The following NHSL1 variants were observed in gnomAD, a reference collection of about 807,000 sequenced individuals.
NHSL1 encodes NHS-like protein 1.
NHSL1 carries 48 observed loss-of-function variants against 95.0 expected under a neutral mutation model. The ratio of observed to expected loss-of-function variants is 0.51; its 90% confidence interval spans 0.40 to 0.64. The LOEUF is 0.64. Among genes scored for constraint, NHSL1 ranks in the 30% least tolerant of loss-of-function variants. NHSL1 has a pLI of 0.00. For missense variants in NHSL1, 1,971 were observed against 2,077.7 expected (o/e 0.95, Z 1.00); for synonymous variants, 783 against 833.9 (o/e 0.94, Z 1.05).
intron 1 of NHSL1, among the ~76,000 whole-genome samples, chr6:138,561,815 G>A (rs1057264650): frequency 1.3e-5 from 2 of 152,214 alleles, no homozygotes; most frequent in African/African-American, 4.8e-5. Flanking sequence ...ACTGGGGGAA[G>A]ATGGTCTCAG....
chr6:138,595,176 T>C (rs780715606), intron 1 of NHSL1, among the ~76,000 whole-genome samples: 19 of 152,204 alleles, frequency 1.2e-4, no homozygotes, highest in Non-Finnish European at 2.4e-4. Flanking sequence ...TTGAAAACCA[T>C]TTTCTTTCTA....
intron 1 of NHSL1, among the ~76,000 whole-genome samples, chr6:138,669,731 A>G (rs1785339861): frequency 6.6e-6 from 1 of 152,216 alleles, no homozygotes; most frequent in Non-Finnish European, 1.5e-5. Context: ...CTTTCCACAC[A>G]GCTCCTGGAA....
chr6:138,653,751 C>T (rs1374354677), intron 1 of NHSL1, among the ~76,000 whole-genome samples: 2 of 152,178 alleles, frequency 1.3e-5, no homozygotes, highest in East Asian at 3.8e-4. Context: ...TTTCACATCA[C>T]CACGCAGTAT....
rs1275603866 is a variant in NHSL1, at chr6:138,692,219, A to C, written c.96+257T>G. Reference sequence around the variant, plus strand: ...ACAGACAGAAGGAGCAGACAAGGGGACTGTCCAATTCCCACCCTCCGCGCC... The same window carrying C: ...ACAGACAGAAGGAGCAGACAAGGGGCCTGTCCAATTCCCACCCTCCGCGCC... On this transcript the variant is annotated intron_variant, in intron 1 of 3. Coordinates refer to the NHSL1 transcript ENST00000491526. This position sits in a 1 kb window ranked among gnomAD's most constrained non-coding sequence, Gnocchi z 4.0. The C allele has an allele frequency of 4.4e-6, 2 of 456,540 alleles. No individual in the cohort carries two copies. Among genetic ancestry groups the C allele is most frequent in the Non-Finnish European group, 8.8e-6 (2 of 226,906 alleles). The allele number at this position is 456,540 out of a possible 1,614,324, so 28.3% of individuals were successfully genotyped here.
chr6:138,482,445 C>CAA (rs34849976), intron 2 of NHSL1, among the ~76,000 whole-genome samples: 996 of 81,166 alleles, frequency 0.012, 26 homozygotes, highest in African/African-American at 0.045. Flanking sequence ...GACTCCGTCT[C>CAA]AAAAAAAAAA....
At chr6:138,642,289 A>T (rs1473221283) in intron 1 of NHSL1, among the ~76,000 whole-genome samples, 1 of 152,216 alleles carries the variant, frequency 6.6e-6, no homozygotes, top group Non-Finnish European at 1.5e-5. Context: ...GGCTGTATAC[A>T]TTCTCTAATT....
intron 5 of NHSL1, 48 bp from the exon 6 acceptor site, chr6:138,433,728 A>G (rs1775876883): frequency 1.4e-6 from 2 of 1,470,654 alleles, no homozygotes; most frequent in South Asian, 2.9e-5. Context: ...TAAAATCCAT[A>G]GTTCATCACG....
chr6:138,626,238 G>GGTTGAAT (rs1441229687), intron 1 of NHSL1, among the ~76,000 whole-genome samples: 1 of 152,182 alleles, frequency 6.6e-6, no homozygotes, highest in East Asian at 1.9e-4. Flanking sequence ...TGCCTGATCA[G>GGTTGAAT]TCCACTTGCT....
chr6:138,472,993 C>A (rs1778847929), intron 3 of NHSL1, among the ~76,000 whole-genome samples: 1 of 152,154 alleles, frequency 6.6e-6, no homozygotes, highest in South Asian at 2.1e-4. Context: ...TTGAGATGCA[C>A]AAATACACTG....
chr6:138,499,480 A>C lies in NHSL1; in HGVS notation c.-190T>G, dbSNP rs1024838087. The C allele has an allele frequency of 3.8e-6, 5 of 1,325,322 alleles. No individual in the cohort carries two copies. Among genetic ancestry groups the C allele is most frequent in the East Asian group, 2.9e-5 (1 of 34,358 alleles). The allele number at this position is 1,325,322 out of a possible 1,614,324, so 82.1% of individuals were successfully genotyped here. A position where few individuals can be genotyped will look rare whatever the true frequency, so the allele number is the denominator to read the frequency against. ...ATTGTCAGGCAGTTACAAACCATTA[A>C]CAGTCCTTGAACCTGAAAAACTCCT... is the stretch of plus-strand genomic sequence containing the variant. On this transcript the variant is annotated 5_prime_UTR_variant, in exon 1 of 8. Transcript: ENST00000343505.
chr6:138,630,673 C>T (rs190474931), intron 1 of NHSL1, among the ~76,000 whole-genome samples: 71 of 152,292 alleles, frequency 4.7e-4, no homozygotes, highest in African/African-American at 1.6e-3. Flanking sequence ...GCGTGAGTAA[C>T]GCACCCAGCC....
At chr6:138,519,899 A>G (rs1333185564) in intron 1 of NHSL1, among the ~76,000 whole-genome samples, 1 of 152,208 alleles carries the variant, frequency 6.6e-6, no homozygotes, top group East Asian at 1.9e-4. Flanking sequence ...TAAAAAGTTG[A>G]TAAAGATGAA....
At chr6:138,438,381 C>T (rs1776321215) in intron 5 of NHSL1, among the ~76,000 whole-genome samples, 1 of 152,094 alleles carries the variant, frequency 6.6e-6, no homozygotes, top group Admixed American at 6.5e-5. Flanking sequence ...CTATTGCAAA[C>T]TTAGTAGACC....
chr6:138,604,660 C>T (rs1784410992), intron 1 of NHSL1, among the ~76,000 whole-genome samples: 1 of 152,194 alleles, frequency 6.6e-6, no homozygotes, highest in Non-Finnish European at 1.5e-5. Context: ...CAGTCTCACA[C>T]TGTCGCCCAG....
At chr6:138,441,953 G>T in intron 5 of NHSL1, 30 bp downstream of exon 5, 2 of 1,531,954 alleles carry the variant, frequency 1.3e-6, no homozygotes, top group Non-Finnish European at 1.8e-6. Context: ...GCAGTGAAGG[G>T]CAACAGAATA....
chr6:138,557,889 T>G (rs1256122798), intron 1 of NHSL1, among the ~76,000 whole-genome samples: 1 of 152,204 alleles, frequency 6.6e-6, no homozygotes, highest in Non-Finnish European at 1.5e-5. Flanking sequence ...GCATGACTAC[T>G]GCACAAACCA....
chr6:138,587,987 A>G (rs1359734892), intron 1 of NHSL1, among the ~76,000 whole-genome samples: 1 of 152,252 alleles, frequency 6.6e-6, no homozygotes, highest in African/African-American at 2.4e-5. Flanking sequence ...AGGAAACAGA[A>G]CCAGAAAGGT....
rs894162431 is a variant in NHSL1 at position 138,692,530 on chromosome 6, G to C, written c.43C>G (p.Leu15Val). Residue 15 changes from leucine (L) to valine (V), a missense_variant, in exon 1 of 4, where the codon CTC becomes GTC. Leu to Val is a conservative substitution (Grantham distance 32). Coordinates refer to the NHSL1 transcript ENST00000491526. This position sits in a 1 kb window ranked among gnomAD's most constrained non-coding sequence, Gnocchi z 4.0. ...GCAGCGGCGGCTTGCAGGGCGTCGA[G>C]GCGGCGGTGCAGCGCGGCGGTGCGG... is the stretch of plus-strand genomic sequence containing the variant. 9.9e-6 allele frequency: 2 copies of C among 202,018 alleles called. No homozygotes were observed. The highest frequency in any genetic ancestry group is 4.8e-5 in the African/African-American group (2 of 41,764). The allele number at this position is 202,018 out of a possible 1,614,324, so 12.5% of individuals were successfully genotyped here. A position where few individuals can be genotyped will look rare whatever the true frequency, so the allele number is the denominator to read the frequency against.
chr6:138,675,655 C>T (rs1260345910), intron 1 of NHSL1, among the ~76,000 whole-genome samples: 4 of 152,064 alleles, frequency 2.6e-5, no homozygotes, highest in Non-Finnish European at 4.4e-5. Context: ...CTGCCTCAGC[C>T]CCCCAAATAG....
Sources: allele counts gnomAD v4.1 joint callset (sites outside exome capture counted in the v4.1 genomes callset), GRCh38; gene constraint gnomAD v4.1.1; non-coding constraint Gnocchi (gnomAD v3.1); transcripts MANE v1.5; gene names NCBI Gene and HGNC (gene_info 2026-07-23, HGNC 2026-07-21).